The following FAM47E variants were observed in gnomAD, a reference collection of about 807,000 sequenced individuals.
The protein encoded by FAM47E is family with sequence similarity 47 member E.
FAM47E carries 32 observed loss-of-function variants against 41.6 expected under a neutral mutation model. That is an observed-to-expected ratio of 0.77 (90% CI 0.58 to 1.03). The LOEUF (loss-of-function observed/expected upper bound fraction) is 1.03. FAM47E is among the 50% of genes least tolerant of loss of function. The pLI is 0.00. For missense variants in FAM47E, 424 were observed against 485.4 expected (o/e 0.87, Z 1.19); for synonymous variants, 184 against 188.7 (o/e 0.98, Z 0.20).
At chr4:76,282,139 T>A (rs953611130) in intron 7 of FAM47E, 16 of 152,198 alleles carry the variant, frequency 1.1e-4, no homozygotes, top group African/African-American at 3.9e-4. Flanking sequence ...TCTAACAGAA[T>A]CTTAAAATAG....
intron 2 of FAM47E, among the ~76,000 whole-genome samples, chr4:76,219,103 T>C (rs1733264607): frequency 6.6e-6 from 1 of 152,194 alleles, no homozygotes; most frequent in Non-Finnish European, 1.5e-5. Flanking sequence ...TGCTTGGGAC[T>C]TCTGGCCTCA....
At chr4:76,238,441 C>T (rs1287641257) in intron 2 of FAM47E, among the ~76,000 whole-genome samples, 1 of 152,198 alleles carries the variant, frequency 6.6e-6, no homozygotes, top group East Asian at 1.9e-4. Flanking sequence ...CTGAAGGATC[C>T]TGCCAGGGTG....
chr4:76,278,096 A>G lies in FAM47E; in HGVS notation c.898A>G (p.Met300Val). ...TCCTTATAAGCCAAAGTGGGTGAAG[A>G]TGAGGTATGGAGCATGGTATTTGAA... ...QNPYKPKWVK[M>V]RYGAWYLNPK... The change falls in exon 6 of 8, where the codon ATG becomes GTG. Residue 300 changes from methionine to valine, a missense_variant. By Grantham distance (21) the Met-to-Val change is conservative (BLOSUM62 1). Transcript: ENST00000424749. 1 of 1,532,050 alleles carries G rather than the reference A, an allele frequency of 6.5e-7. No homozygotes were observed. Among genetic ancestry groups the G allele is most frequent in the Non-Finnish European group, 8.8e-7 (1 of 1,142,072 alleles). The allele number at this position is 1,532,050 out of a possible 1,614,324, so 94.9% of individuals were successfully genotyped here.
chr4:76,215,899 T>C (rs1054934660), intron 1 of FAM47E, among the ~76,000 whole-genome samples: 1 of 152,090 alleles, frequency 6.6e-6, no homozygotes, highest in Admixed American at 6.5e-5. Context: ...AATAAAGGAT[T>C]GTTGTTGTTT....
chr4:76,229,515 CTT>C (rs1376804427), intron 2 of FAM47E, among the ~76,000 whole-genome samples: 1 of 152,176 alleles, frequency 6.6e-6, no homozygotes, highest in Non-Finnish European at 1.5e-5. Context: ...TGTTCAGATT[CTT>C]TTGTCCTATA....
At chr4:76,271,838 A>T in intron 5 of FAM47E, 70 bp downstream of exon 5, 1 of 1,480,038 alleles carries the variant, frequency 6.8e-7, no homozygotes, top group East Asian at 2.5e-5. Context: ...AAAGTTCTTG[A>T]ATTCTGATGT....
chr4:76,277,092 A>G (rs896246537), intron 5 of FAM47E, among the ~76,000 whole-genome samples: 7 of 152,190 alleles, frequency 4.6e-5, no homozygotes, highest in African/African-American at 1.7e-4. Flanking sequence ...CTATGAACCA[A>G]CAACAGGTTC....
At chr4:76,261,402 G>C (rs1223516657) in intron 2 of FAM47E, among the ~76,000 whole-genome samples, 2 of 152,120 alleles carry the variant, frequency 1.3e-5, no homozygotes, top group African/African-American at 4.8e-5. Context: ...TATCACAATA[G>C]CAAAGTCATG....
At chr4:76,215,110 G>A (rs1350110814) in intron 1 of FAM47E, among the ~76,000 whole-genome samples, 4 of 152,242 alleles carry the variant, frequency 2.6e-5, no homozygotes, top group Non-Finnish European at 5.9e-5. Flanking sequence ...GCCTTAGGAA[G>A]CTGGCCTTTG....
intron 2 of FAM47E, among the ~76,000 whole-genome samples, chr4:76,257,141 A>G (rs1734227758): frequency 2.0e-5 from 3 of 152,142 alleles, no homozygotes; most frequent in African/African-American, 7.2e-5. Flanking sequence ...ATTTCAGACA[A>G]GAAGAGGGAA....
chr4:76,251,109 C>G (rs1397029918), upstream of FAM47E, among the ~76,000 whole-genome samples: 5 of 152,092 alleles, frequency 3.3e-5, no homozygotes, highest in East Asian at 7.7e-4. Flanking sequence ...GAAACACACC[C>G]TCGTGCAATC....
At chr4:76,221,655 CAG>C (rs1393056663) in intron 2 of FAM47E, among the ~76,000 whole-genome samples, 1 of 152,268 alleles carries the variant, frequency 6.6e-6, no homozygotes, top group East Asian at 1.9e-4. Context: ...ACTGCAAAAA[CAG>C]AGAAAAAATA....
At chr4:76,224,522 T>C (rs1733362384) in intron 2 of FAM47E, among the ~76,000 whole-genome samples, 1 of 152,176 alleles carries the variant, frequency 6.6e-6, no homozygotes, top group African/African-American at 2.4e-5. Context: ...TCATACATCT[T>C]AAAAGGGCAG....
chr4:76,245,830 C>T (rs1032671194), intron 2 of FAM47E, among the ~76,000 whole-genome samples: 1 of 152,124 alleles, frequency 6.6e-6, no homozygotes, highest in African/African-American at 2.4e-5. Flanking sequence ...CAGGCATCTC[C>T]TCAAATCTAG....
chr4:76,283,323 A>G, intron 7 of FAM47E, 58 bp from the exon 8 acceptor site: 1 of 967,030 alleles, frequency 1.0e-6, no homozygotes, highest in Non-Finnish European at 1.6e-6. Context: ...TGTGGGGAGG[A>G]CTGTACTGTG....
chr4:76,235,582 A>T (rs1468961205), intron 2 of FAM47E, among the ~76,000 whole-genome samples: 1 of 152,200 alleles, frequency 6.6e-6, no homozygotes, highest in Non-Finnish European at 1.5e-5. Context: ...CTTGTCCAAG[A>T]TCATGAAGCT....
intron 3 of FAM47E, among the ~76,000 whole-genome samples, chr4:76,265,388 T>A (rs1207812386): frequency 6.6e-6 from 1 of 152,224 alleles, no homozygotes; most frequent in Non-Finnish European, 1.5e-5. Context: ...TAAAGCCATG[T>A]CGTCTATCAT....
chr4:76,233,592 A>G (rs1168586196), intron 2 of FAM47E, among the ~76,000 whole-genome samples: 1 of 152,012 alleles, frequency 6.6e-6, no homozygotes, highest in Non-Finnish European at 1.5e-5. Flanking sequence ...ACACGCACAC[A>G]CACACACACA....
chr4:76,271,252 C>T (rs544307167), intron 4 of FAM47E, among the ~76,000 whole-genome samples: 4 of 152,184 alleles, frequency 2.6e-5, no homozygotes, highest in Non-Finnish European at 4.4e-5. Flanking sequence ...GAAAACACTG[C>T]CATATCTACA....
Sources: allele counts gnomAD v4.1 joint callset (sites outside exome capture counted in the v4.1 genomes callset), GRCh38; gene constraint gnomAD v4.1.1; transcripts MANE v1.5; gene names NCBI Gene and HGNC (gene_info 2026-07-23, HGNC 2026-07-21).